Variants in EPHA3 observed in about 807,000 individuals in gnomAD.
EPHA3 encodes the protein EPH receptor A3.
In EPHA3, 42 loss-of-function variants were observed where a neutral mutation model predicts 107.1. That is an observed-to-expected ratio of 0.39 (90% CI 0.31 to 0.51). The LOEUF (loss-of-function observed/expected upper bound fraction) is 0.51, where lower values mean the gene tolerates loss of function less well. Among genes scored for constraint, EPHA3 ranks in the 20% least tolerant of loss-of-function variants. The probability of loss-of-function intolerance (pLI) is 0.78; values close to 1 mark genes in which losing one functional copy is unlikely to be tolerated. For synonymous variants in EPHA3, 461 were observed against 424.8 expected, an observed-to-expected ratio of 1.09 and a Z score of -1.05; for missense variants, 1,183 against 1,211.2, an observed-to-expected ratio of 0.98 and a Z score of 0.35.
intron 6 of EPHA3, among the ~76,000 whole-genome samples, chr3:89,398,095 G>A (rs1708886302): frequency 6.6e-6 from 1 of 152,070 alleles, no homozygotes; most frequent in Non-Finnish European, 1.5e-5. Context: ...TAGGATTTAA[G>A]GTCCACAAGG....
chr3:89,117,901 TG>T (rs1486272732), intron 1 of EPHA3, among the ~76,000 whole-genome samples: 4 of 152,218 alleles, frequency 2.6e-5, no homozygotes, highest in African/African-American at 9.6e-5. Context: ...CAGCTGATCA[TG>T]GTAGATTTTG....
At chr3:89,123,304 A>T (rs1426257150) in intron 1 of EPHA3, among the ~76,000 whole-genome samples, 4 of 152,104 alleles carry the variant, frequency 2.6e-5, no homozygotes, top group African/African-American at 9.6e-5. Flanking sequence ...CTGCCATGCC[A>T]GCTAATTTTT....
intron 1 of EPHA3, among the ~76,000 whole-genome samples, chr3:89,119,867 T>G (rs1707338903): frequency 1.3e-5 from 2 of 152,136 alleles, no homozygotes; most frequent in Admixed American, 1.3e-4. Context: ...ATGCTAGAAT[T>G]TTGAATCTTT....
intron 1 of EPHA3, among the ~76,000 whole-genome samples, chr3:89,114,619 T>C (rs1240716185): frequency 6.6e-6 from 1 of 151,896 alleles, no homozygotes; most frequent in East Asian, 1.9e-4. Context: ...CGAGGTAGGG[T>C]GGGTGGGCGA....
At chr3:89,430,560 C>A (rs540877487) in intron 12 of EPHA3, among the ~76,000 whole-genome samples, 1 of 151,810 alleles carries the variant, frequency 6.6e-6, no homozygotes, top group Non-Finnish European at 1.5e-5. Flanking sequence ...CTATTTTAAT[C>A]CAAGATTAAA....
intron 15 of EPHA3, among the ~76,000 whole-genome samples, chr3:89,466,563 C>A (rs1302615228): frequency 1.5e-5 from 2 of 131,736 alleles, no homozygotes; most frequent in African/African-American, 2.9e-5. Context: ...GTCTGAAAAG[C>A]GCAATATTCG....
chr3:89,479,366 C>T, intron 16 of EPHA3, 31 bp from the exon 17 acceptor site: 1 of 1,577,420 alleles, frequency 6.3e-7, no homozygotes, highest in Non-Finnish European at 8.7e-7. Context: ...ATCGAGGAAA[C>T]CGATTCTTAT....
chr3:89,290,883 G>A (rs1169731789), intron 3 of EPHA3, among the ~76,000 whole-genome samples: 1 of 152,054 alleles, frequency 6.6e-6, no homozygotes, highest in East Asian at 1.9e-4. Context: ...TTAGATGTAA[G>A]GTTATTAATA....
In EPHA3 at chr3:89,133,662, G is replaced by T. The variant is rs1704252129; in HGVS notation, c.153+6389G>T. Among the ~76,000 whole-genome samples, 3 of 152,142 alleles carry T rather than the reference G, an allele frequency of 2.0e-5. No homozygotes were observed. The South Asian group carries it at 6.2e-4, about 31-fold the overall frequency. ...GTTCAACTTTTGAAGCATTGTTTGTGCAACGTGTCATTGGGCATTGTCGTG... is the reference window on the plus strand; with the variant it reads ...GTTCAACTTTTGAAGCATTGTTTGTTCAACGTGTCATTGGGCATTGTCGTG... On this transcript the variant is annotated intron_variant, in intron 2 of 16. Coordinates refer to ENST00000336596, the MANE Select transcript of EPHA3 (RefSeq NM_005233.6).
intron 3 of EPHA3, among the ~76,000 whole-genome samples, chr3:89,248,503 T>C (rs1705089008): frequency 6.6e-6 from 1 of 152,220 alleles, no homozygotes; most frequent in Non-Finnish European, 1.5e-5. Flanking sequence ...ATATTTAATA[T>C]CGTGAATTCT....
At chr3:89,241,468 C>G (rs530593603) in intron 3 of EPHA3, among the ~76,000 whole-genome samples, 1 of 152,088 alleles carries the variant, frequency 6.6e-6, no homozygotes, top group Admixed American at 6.5e-5. Context: ...CTACTAACAA[C>G]GCCAATAATG....
intron 2 of EPHA3, among the ~76,000 whole-genome samples, chr3:89,209,389 TA>T (rs145681841): frequency 0.012 from 1,866 of 152,240 alleles, 23 homozygotes; most frequent in African/African-American, 0.039. Flanking sequence ...TGATACATAG[TA>T]AAAATATCAT....
intron 11 of EPHA3, among the ~76,000 whole-genome samples, chr3:89,420,209 G>A (rs752375266): frequency 1.2e-4 from 18 of 151,296 alleles, no homozygotes; most frequent in African/African-American, 4.1e-4. Context: ...AGGGAATTTG[G>A]CATCCTTTAG....
intron 5 of EPHA3, among the ~76,000 whole-genome samples, chr3:89,351,493 C>T (rs1160698930): frequency 1.3e-5 from 2 of 150,194 alleles, no homozygotes; most frequent in Non-Finnish European, 3.0e-5. Context: ...GGTGCGCGCA[C>T]CCACTGGCCT....
At chr3:89,432,286 G>A (rs1709584090) in intron 13 of EPHA3, among the ~76,000 whole-genome samples, 1 of 152,086 alleles carries the variant, frequency 6.6e-6, no homozygotes, top group Non-Finnish European at 1.5e-5. Flanking sequence ...ACTATTATCA[G>A]TTAGGATAAA....
rs148682771 is a variant in EPHA3 at position 89,123,640 on chromosome 3, G to A, written c.89-3569G>A. On this transcript the variant is annotated intron_variant, in intron 1 of 16. Coordinates refer to ENST00000336596, the MANE Select transcript of EPHA3 (RefSeq NM_005233.6). ...CATCTCTATTTAAAAGCAATTAGAG[G>A]CAGTAAAACATGTGAAAGAAAAACC... Among the ~76,000 whole-genome samples the A allele has an allele frequency of 2.3e-4, 35 of 152,138 alleles. No individual in the cohort carries two copies. In the East Asian group the frequency reaches 5.8e-3, roughly 25 times the overall value.
At chr3:89,351,437 C>A (rs531704247) in intron 5 of EPHA3, among the ~76,000 whole-genome samples, 27 of 150,648 alleles carry the variant, frequency 1.8e-4, no homozygotes, top group Non-Finnish European at 3.1e-4. Flanking sequence ...TGACCCCTTG[C>A]GCTTCCCAGG....
intron 3 of EPHA3, 91 bp downstream of exon 3, chr3:89,210,611 C>T (rs571074933): frequency 4.0e-5 from 55 of 1,368,284 alleles, no homozygotes; most frequent in Non-Finnish European, 4.8e-5. Context: ...AGTCTCAACT[C>T]ACTTGGCAGG....
chr3:89,152,138 G>C (rs1349222241), intron 2 of EPHA3, among the ~76,000 whole-genome samples: 1 of 151,990 alleles, frequency 6.6e-6, no homozygotes, highest in African/African-American at 2.4e-5. Context: ...TGTGGATCAC[G>C]AAGGTACTCA....
Sources: allele counts gnomAD v4.1 joint callset (sites outside exome capture counted in the v4.1 genomes callset), GRCh38; gene constraint gnomAD v4.1.1; transcripts MANE v1.5; gene names NCBI Gene and HGNC (gene_info 2026-07-23, HGNC 2026-07-21).